RUNDC3B: variants seen among roughly 807,000 people sequenced by gnomAD.
RUNDC3B encodes the protein RUN domain containing 3B.
RUNDC3B carries 33 observed loss-of-function variants against 58.4 expected under a neutral mutation model. That is an observed-to-expected ratio of 0.56 (90% confidence interval 0.43 to 0.75). The LOEUF (loss-of-function observed/expected upper bound fraction) is 0.75. Among genes scored for constraint, RUNDC3B ranks in the 30% least tolerant of loss-of-function variants. The pLI, the probability that RUNDC3B is intolerant of heterozygous loss-of-function variation, is 0.00. For missense variants in RUNDC3B, 501 were observed against 535.7 expected (o/e 0.94, Z 0.64); for synonymous variants, 193 against 195.2 (o/e 0.99, Z 0.10).
intron 6 of RUNDC3B, among the ~76,000 whole-genome samples, chr7:87,758,277 G>A (rs1380619200): frequency 1.3e-5 from 2 of 152,086 alleles, no homozygotes; most frequent in Non-Finnish European, 2.9e-5. Flanking sequence ...AGTCATGATT[G>A]TGCCACTGCA....
intron 2 of RUNDC3B, among the ~76,000 whole-genome samples, chr7:87,683,831 C>A (rs1827177811): frequency 6.6e-6 from 1 of 152,142 alleles, no homozygotes; most frequent in Non-Finnish European, 1.5e-5. Flanking sequence ...TTGACACAAA[C>A]CTTCAACGTG....
At chr7:87,756,550 T>C (rs1381964871) in intron 6 of RUNDC3B, among the ~76,000 whole-genome samples, 1 of 152,048 alleles carries the variant, frequency 6.6e-6, no homozygotes, top group Non-Finnish European at 1.5e-5. Context: ...TTAAACCAGA[T>C]TGGTAAGTTA....
rs369444179 is a variant in RUNDC3B, at chr7:87,647,966, T to C, written c.123-2856T>C. Among the ~76,000 whole-genome samples the C allele has an allele frequency of 1.3e-3, 191 of 152,084 alleles. 6 individuals are homozygous for C. The South Asian group carries it at 0.039, about 31-fold the overall frequency. ...TTGGGAGGCCAAGGCAGGTGGATCA[T>C]GAGGTCAAGAAATCGAGACCATCCT... On this transcript the variant is annotated intron_variant, in intron 1 of 10. Coordinates refer to ENST00000394654, the MANE Select transcript of RUNDC3B (RefSeq NM_001134405.2).
chr7:87,803,606 T>C (rs1216614516), intron 8 of RUNDC3B, among the ~76,000 whole-genome samples: 1 of 152,144 alleles, frequency 6.6e-6, no homozygotes, highest in African/African-American at 2.4e-5. Context: ...AGAATTTAAA[T>C]TGTACTTTCT....
chr7:87,691,832 G>A (rs144566481), intron 2 of RUNDC3B, among the ~76,000 whole-genome samples: 4,766 of 152,186 alleles, frequency 0.031, 71 homozygotes, highest in Middle Eastern at 0.048. Flanking sequence ...CTAAGGAGTA[G>A]GTCAGCTTGA....
chr7:87,817,488 C>CA (rs34712691), intron 10 of RUNDC3B, among the ~76,000 whole-genome samples: 1 of 152,312 alleles, frequency 6.6e-6, no homozygotes, highest in Admixed American at 6.5e-5. Context: ...CATTTCATAC[C>CA]ATTCTTTTCC....
chr7:87,703,116 A>G (rs1424896534), intron 3 of RUNDC3B, among the ~76,000 whole-genome samples: 1 of 152,230 alleles, frequency 6.6e-6, no homozygotes, highest in East Asian at 1.9e-4. Flanking sequence ...TTACAGTTTT[A>G]AGATGAAGAC....
chr7:87,828,739 C>G (rs1412412126), intron 10 of RUNDC3B, among the ~76,000 whole-genome samples: 1 of 152,152 alleles, frequency 6.6e-6, no homozygotes, highest in Admixed American at 6.5e-5. Context: ...GATATATACC[C>G]AGTAATGGGA....
intron 2 of RUNDC3B, among the ~76,000 whole-genome samples, chr7:87,681,485 T>C (rs1826922942): frequency 6.6e-6 from 1 of 150,784 alleles, no homozygotes; most frequent in Non-Finnish European, 1.5e-5. Flanking sequence ...CCCCAGTGCG[T>C]ATTAAAAGTT....
chr7:87,693,320 A>G (rs1302495306), intron 2 of RUNDC3B, among the ~76,000 whole-genome samples: 6 of 152,168 alleles, frequency 3.9e-5, no homozygotes, highest in Non-Finnish European at 7.4e-5. Flanking sequence ...ATTTTATATA[A>G]TATCTAAGTG....
At chr7:87,785,146 T>G (rs1451804130) in intron 8 of RUNDC3B, among the ~76,000 whole-genome samples, 1 of 151,890 alleles carries the variant, frequency 6.6e-6, no homozygotes, top group African/African-American at 2.4e-5. Context: ...CCCAAACAGA[T>G]CTCCCTCCAG....
intron 8 of RUNDC3B, among the ~76,000 whole-genome samples, chr7:87,790,340 T>C (rs1465449387): frequency 2.0e-5 from 3 of 152,284 alleles, no homozygotes; most frequent in Non-Finnish European, 2.9e-5. Context: ...CCAACTCCCA[T>C]TGACTACCTG....
chr7:87,737,504 T>C (rs1210532802), intron 4 of RUNDC3B, among the ~76,000 whole-genome samples: 1 of 152,164 alleles, frequency 6.6e-6, no homozygotes. Flanking sequence ...TCTACCTCTT[T>C]CATACACATG....
intron 1 of RUNDC3B, among the ~76,000 whole-genome samples, chr7:87,645,590 T>G (rs1822921503): frequency 6.6e-6 from 1 of 152,234 alleles, no homozygotes; most frequent in Non-Finnish European, 1.5e-5. Flanking sequence ...CAAATTGTCA[T>G]TTCATTATTT....
chr7:87,704,475 A>G (rs946708297), intron 3 of RUNDC3B, among the ~76,000 whole-genome samples: 1 of 152,254 alleles, frequency 6.6e-6, no homozygotes, highest in Non-Finnish European at 1.5e-5. Context: ...TACAAAAAGT[A>G]ATTAAGAAGT....
At chr7:87,693,757 CAG>C (rs1828228746) in intron 2 of RUNDC3B, 2 of 642,660 alleles carry the variant, frequency 3.1e-6, no homozygotes, top group South Asian at 2.0e-5. Flanking sequence ...TTTATCTTAA[CAG>C]AGTTCATTTA....
chr7:87,812,055 T>C (rs775866755), intron 9 of RUNDC3B, among the ~76,000 whole-genome samples: 7 of 152,214 alleles, frequency 4.6e-5, no homozygotes, highest in Non-Finnish European at 8.8e-5. Context: ...TAAATTATTA[T>C]TAACCTTAAC....
chr7:87,795,623 A>G (rs559022070), intron 8 of RUNDC3B, among the ~76,000 whole-genome samples: 1 of 152,040 alleles, frequency 6.6e-6, no homozygotes, highest in South Asian at 2.1e-4. Flanking sequence ...CAAGCCTGTA[A>G]TCCCAACACT....
At chr7:87,798,490 G>A (rs181061366) in intron 8 of RUNDC3B, among the ~76,000 whole-genome samples, 4 of 152,142 alleles carry the variant, frequency 2.6e-5, no homozygotes, top group Admixed American at 2.0e-4. Context: ...CCCCATTTTT[G>A]TCTAACTGAG....
Sources: gnomAD v4.1 joint callset for allele counts (sites outside exome capture counted in the v4.1 genomes callset) on GRCh38, gnomAD v4.1.1 for gene constraint, MANE v1.5 for transcripts, NCBI Gene and HGNC (gene_info 2026-07-23, HGNC 2026-07-21) for gene names.